The following TRPS1 variants were observed in gnomAD, a reference collection of about 807,000 sequenced individuals.
TRPS1 encodes the protein transcriptional repressor GATA binding 1, also known as zinc finger transcription factor Trps1.
A neutral mutation model predicts 101.2 loss-of-function variants in TRPS1; 6 were observed. That is an observed-to-expected ratio of 0.06 (90% CI 0.03 to 0.12). The LOEUF (loss-of-function observed/expected upper bound fraction) is 0.12. TRPS1 is among the 10% of genes least tolerant of loss of function. The pLI is 1.00. For missense variants in TRPS1, 1,363 were observed against 1,567.0 expected (o/e 0.87, Z 2.20); for synonymous variants, 578 against 589.8 (o/e 0.98, Z 0.29).
chr8:115,606,751 A>T (rs1483743822), intron 3 of TRPS1, among the ~76,000 whole-genome samples: 1 of 151,690 alleles, frequency 6.6e-6, no homozygotes, highest in African/African-American at 2.4e-5. Flanking sequence ...ATAATATTGT[A>T]AAAATCTCTA....
intron 5 of TRPS1, among the ~76,000 whole-genome samples, chr8:115,444,616 C>T (rs78770239): frequency 0.036 from 5,555 of 152,244 alleles, 387 homozygotes; most frequent in African/African-American, 0.13. Context: ...TTCTAGAGGG[C>T]AAAGAGCACC....
intron 5 of TRPS1, among the ~76,000 whole-genome samples, chr8:115,584,865 C>A (rs890398772): frequency 1.3e-4 from 20 of 152,088 alleles, no homozygotes; most frequent in African/African-American, 4.1e-4. Context: ...ATTAAATTGG[C>A]TACCCTTCCT....
intron 5 of TRPS1, among the ~76,000 whole-genome samples, chr8:115,569,365 G>T (rs1817146585): frequency 6.6e-6 from 1 of 151,890 alleles, no homozygotes; most frequent in Non-Finnish European, 1.5e-5. Flanking sequence ...TTTGCTAAAG[G>T]GTCAAATAAA....
chr8:115,457,405 G>A (rs1814057642), intron 5 of TRPS1, among the ~76,000 whole-genome samples: 1 of 152,106 alleles, frequency 6.6e-6, no homozygotes, highest in East Asian at 1.9e-4. Flanking sequence ...GGTAGTTAGA[G>A]TAGTCAAAAT....
chr8:115,602,846 CT>C (rs1460132187), intron 4 of TRPS1, among the ~76,000 whole-genome samples: 8 of 152,172 alleles, frequency 5.3e-5, no homozygotes, highest in Non-Finnish European at 1.2e-4. Flanking sequence ...ACCACCAATG[CT>C]TTGCTGAACT....
intron 4 of TRPS1, among the ~76,000 whole-genome samples, chr8:115,601,317 C>T (rs1817902181): frequency 6.6e-6 from 1 of 152,098 alleles, no homozygotes; most frequent in East Asian, 1.9e-4. Context: ...AACTTGTCCT[C>T]TTATTTTATC....
chr8:115,493,055 T>A (rs927140271), intron 5 of TRPS1, among the ~76,000 whole-genome samples: 3 of 152,094 alleles, frequency 2.0e-5, no homozygotes, highest in Non-Finnish European at 4.4e-5. Flanking sequence ...GGTAAGATAC[T>A]TTTTTAAAAG....
At chr8:115,497,220 G>A (rs1815169628) in intron 5 of TRPS1, among the ~76,000 whole-genome samples, 1 of 152,110 alleles carries the variant, frequency 6.6e-6, no homozygotes, top group South Asian at 2.1e-4. Flanking sequence ...TATGGTTTGG[G>A]GATGAAACTG....
intron 5 of TRPS1, among the ~76,000 whole-genome samples, chr8:115,419,539 A>G (rs909942893): frequency 4.6e-5 from 7 of 152,240 alleles, no homozygotes; most frequent in Admixed American, 4.6e-4. Context: ...CCATAAGTCA[A>G]AATTTCAGGG....
At chr8:115,479,153 A>G (rs568818505) in intron 5 of TRPS1, among the ~76,000 whole-genome samples, 30 of 152,186 alleles carry the variant, frequency 2.0e-4, no homozygotes, top group African/African-American at 7.2e-4. Context: ...TAAGTACAAC[A>G]CTTTACACAG....
chr8:115,624,774 C>A (rs946735865), intron 1 of TRPS1, among the ~76,000 whole-genome samples: 1 of 151,602 alleles, frequency 6.6e-6, no homozygotes, highest in African/African-American at 2.4e-5. Flanking sequence ...AAAAATAATT[C>A]TAACTATTTT....
rs1162803311 is a variant in TRPS1, at chr8:115,414,360, T to C, written c.3548A>G (p.His1183Arg). The C allele has an allele frequency of 6.2e-7, 1 of 1,614,010 alleles. No individual in the cohort carries two copies. Among genetic ancestry groups the C allele is most frequent in the Non-Finnish European group, 8.5e-7 (1 of 1,179,970 alleles). Residue 1183 changes from histidine (H) to arginine (R), a missense_variant, in exon 7 of 7, where the codon CAT (histidine) becomes CGT (arginine). Transcript: ENST00000395715. This position sits in a 1 kb window ranked among gnomAD's most constrained non-coding sequence, Gnocchi z 4.8. ...GTTTGCAGTTGGCCCAGGTCTGGAA[T>C]GCTTGATCGCCAAATCTAGAGGAAT... ...NDIPLDLAIK[H>R]SRPGPTANGA...
In TRPS1 at chr8:115,668,729, G is replaced by A. The variant is rs886062630; in HGVS notation, c.-306C>T. ...ACCCTTATTAAAAAAGAGAGAGAGA[G>A]AGAGAGAGAGAGAAAGAGAAAGGAA... On this transcript the variant is annotated 5_prime_UTR_variant, in exon 1 of 7. Coordinates refer to ENST00000395715, the MANE Select transcript of TRPS1 (RefSeq NM_014112.5). 1.2e-4 allele frequency: 17 copies of A among 144,972 alleles called. No individual in the cohort carries two copies. The East Asian group carries it at 3.2e-3, about 28-fold the overall frequency. 9.0% of individuals were successfully genotyped at this position (144,972 alleles called of 1,614,324 possible).
chr8:115,504,333 G>T (rs187884648), intron 5 of TRPS1, among the ~76,000 whole-genome samples: 9 of 152,262 alleles, frequency 5.9e-5, no homozygotes, highest in African/African-American at 1.9e-4. Flanking sequence ...GTCCACAAAT[G>T]GTTGCAAATT....
At chr8:115,430,864 C>G (rs1813301977) in intron 5 of TRPS1, among the ~76,000 whole-genome samples, 1 of 151,272 alleles carries the variant, frequency 6.6e-6, no homozygotes, top group African/African-American at 2.4e-5. Context: ...ACAATGTTGT[C>G]AAGAAATTCC....
chr8:115,490,603 T>C (rs1031968893), intron 5 of TRPS1, among the ~76,000 whole-genome samples: 21 of 152,306 alleles, frequency 1.4e-4, no homozygotes, highest in African/African-American at 4.8e-4. Flanking sequence ...TTATATTGTG[T>C]CTCAGTAATC....
intron 5 of TRPS1, among the ~76,000 whole-genome samples, chr8:115,504,288 A>G (rs1402766328): frequency 6.6e-6 from 1 of 152,186 alleles, no homozygotes; most frequent in Non-Finnish European, 1.5e-5. Flanking sequence ...CAGAAACTCT[A>G]GAGTGTTTGG....
chr8:115,436,387 A>C (rs1486685524), intron 5 of TRPS1, among the ~76,000 whole-genome samples: 1 of 152,130 alleles, frequency 6.6e-6, no homozygotes, highest in Non-Finnish European at 1.5e-5. Context: ...AGTCACGTGG[A>C]AAATACTAAG....
chr8:115,504,723 G>C (rs1174289018), intron 5 of TRPS1, among the ~76,000 whole-genome samples: 4 of 152,114 alleles, frequency 2.6e-5, no homozygotes, highest in Non-Finnish European at 2.9e-5. Context: ...AAATTATAAT[G>C]TTAGGCATAT....
Sources: gnomAD v4.1 joint callset for allele counts (sites outside exome capture counted in the v4.1 genomes callset) on GRCh38, gnomAD v4.1.1 for gene constraint, Gnocchi (gnomAD v3.1) non-coding constraint, MANE v1.5 for transcripts, NCBI Gene and HGNC (gene_info 2026-07-23, HGNC 2026-07-21) for gene names.